Variants in NCOA1 observed in about 807,000 individuals in gnomAD.
The protein encoded by NCOA1 is nuclear receptor coactivator 1.
NCOA1 carries 35 observed loss-of-function variants against 150.9 expected under a neutral mutation model. That is an observed-to-expected ratio of 0.23 (90% CI 0.18 to 0.31). NCOA1 has a LOEUF of 0.31. Among genes scored for constraint, NCOA1 ranks in the 10% least tolerant of loss-of-function variants. NCOA1 has a pLI of 1.00. For missense variants in NCOA1, 1,491 were observed against 1,749.3 expected (o/e 0.85, Z 2.63); for synonymous variants, 590 against 630.0 (o/e 0.94, Z 0.95).
At chr2:24,712,195 T>A (rs1028476785) in intron 14 of NCOA1, among the ~76,000 whole-genome samples, 15 of 152,238 alleles carry the variant, frequency 9.9e-5, no homozygotes, top group Admixed American at 8.5e-4. Flanking sequence ...TTATTCTCTT[T>A]ATCTGCAATA....
At chr2:24,645,944 A>G (rs573129417) in intron 4 of NCOA1, among the ~76,000 whole-genome samples, 1 of 152,336 alleles carries the variant, frequency 6.6e-6, no homozygotes, top group East Asian at 1.9e-4. Flanking sequence ...TAGGAGAGCC[A>G]TCTCTTTAAG....
At chr2:24,747,504 A>AT (rs1245612990) in intron 19 of NCOA1, among the ~76,000 whole-genome samples, 1 of 151,210 alleles carries the variant, frequency 6.6e-6, no homozygotes, top group African/African-American at 2.4e-5. Flanking sequence ...TAACTATTCT[A>AT]TTTTTTATAG....
intron 8 of NCOA1, among the ~76,000 whole-genome samples, chr2:24,686,690 A>T (rs1672420002): frequency 6.6e-6 from 1 of 152,210 alleles, no homozygotes; most frequent in Admixed American, 6.5e-5. Flanking sequence ...TTTAGGTTCA[A>T]AAAAGTTTTG....
At chr2:24,602,566 T>G (rs1285862677) in intron 3 of NCOA1, among the ~76,000 whole-genome samples, 3 of 152,186 alleles carry the variant, frequency 2.0e-5, no homozygotes, top group African/African-American at 7.2e-5. Flanking sequence ...TAGCACTTTC[T>G]TGAATATTTC....
chr2:24,710,873 C>T (rs564486762), intron 13 of NCOA1, 58 bp from the exon 14 acceptor site: 44 of 1,517,908 alleles, frequency 2.9e-5, no homozygotes, highest in South Asian at 1.9e-4. Context: ...TTTTTTTCTA[C>T]GTTGTTTCAG....
At chr2:24,713,664 A>G (rs1673872189) in intron 14 of NCOA1, among the ~76,000 whole-genome samples, 1 of 152,234 alleles carries the variant, frequency 6.6e-6, no homozygotes, top group Non-Finnish European at 1.5e-5. Context: ...AATAGATAAT[A>G]GGCAGTGTGA....
At chr2:24,673,293 G>C in intron 6 of NCOA1, 73 bp from the exon 7 acceptor site, 1 of 1,037,746 alleles carries the variant, frequency 9.6e-7, no homozygotes. Flanking sequence ...GTGGATCTAT[G>C]TCTTCGTAAA....
At chr2:24,658,041 G>C (rs1671023948) in intron 4 of NCOA1, among the ~76,000 whole-genome samples, 1 of 152,298 alleles carries the variant, frequency 6.6e-6, no homozygotes, top group Non-Finnish European at 1.5e-5. Context: ...ATGACTTTGT[G>C]TTCTCTGGGA....
At chr2:24,611,378 G>T (rs1304827152) in intron 3 of NCOA1, among the ~76,000 whole-genome samples, 3 of 152,154 alleles carry the variant, frequency 2.0e-5, no homozygotes, top group Non-Finnish European at 4.4e-5. Context: ...TCATGTTTTT[G>T]CTATTGTAAA....
intron 7 of NCOA1, among the ~76,000 whole-genome samples, chr2:24,682,087 A>G (rs1341889765): frequency 6.6e-6 from 1 of 152,212 alleles, no homozygotes; most frequent in South Asian, 2.1e-4. Flanking sequence ...TTCGCCGTAG[A>G]TAACCAGCAG....
At chr2:24,684,031 A>G (rs1672292366) in intron 8 of NCOA1, among the ~76,000 whole-genome samples, 1 of 152,224 alleles carries the variant, frequency 6.6e-6, no homozygotes, top group Non-Finnish European at 1.5e-5. Flanking sequence ...GTGATAAAGT[A>G]TCTGAGTTGG....
intron 1 of NCOA1, among the ~76,000 whole-genome samples, chr2:24,501,318 G>T (rs1336770750): frequency 6.6e-6 from 1 of 152,058 alleles, no homozygotes; most frequent in Admixed American, 6.6e-5. Flanking sequence ...AAAATGAACC[G>T]AATATAGAAC....
At chr2:24,554,822 T>C (rs1345086184) in intron 1 of NCOA1, among the ~76,000 whole-genome samples, 2 of 152,174 alleles carry the variant, frequency 1.3e-5, no homozygotes, top group Non-Finnish European at 2.9e-5. Flanking sequence ...TGCCTGTTAC[T>C]GATTTGATTT....
intron 3 of NCOA1, among the ~76,000 whole-genome samples, chr2:24,641,618 T>G (rs1017469831): frequency 1.3e-5 from 2 of 152,148 alleles, no homozygotes; most frequent in African/African-American, 4.8e-5. Flanking sequence ...TTTTGCTGGA[T>G]GTAGAATTGT....
At chr2:24,730,140 T>C (rs527994005) in intron 17 of NCOA1, among the ~76,000 whole-genome samples, 84 of 152,264 alleles carry the variant, frequency 5.5e-4, no homozygotes, top group Non-Finnish European at 1.1e-3. Flanking sequence ...CACCGCACCC[T>C]GCCAGCAGTT....
intron 18 of NCOA1, among the ~76,000 whole-genome samples, chr2:24,740,863 C>T (rs770093318): frequency 6.6e-6 from 1 of 152,126 alleles, no homozygotes; most frequent in African/African-American, 2.4e-5. Flanking sequence ...ATGCTTTAAC[C>T]AGATTCTCAA....
chr2:24,706,623 C>G lies in NCOA1; in HGVS notation c.1153C>G (p.Arg385Gly), dbSNP rs767757703. The G allele has an allele frequency of 2.5e-6, 4 of 1,613,912 alleles. No homozygotes were observed. Among genetic ancestry groups the G allele is most frequent in the Non-Finnish European group, 3.4e-6 (4 of 1,179,946 alleles). ...CACTAATTCTGGAATGTCAATTCCC[C>G]GAGTAAATCCCTCGGTCAATCCTAG... ...DDTNSGMSIP[R>G]VNPSVNPSIS... The change falls in exon 13 of 23, where the codon CGA (arginine) becomes GGA (glycine). Residue 385 changes from arginine to glycine, a missense_variant. Arg to Gly is a moderately radical substitution (Grantham distance 125). Coordinates refer to ENST00000348332, the MANE Select transcript of NCOA1 (RefSeq NM_003743.5).
intron 21 of NCOA1, among the ~76,000 whole-genome samples, chr2:24,761,036 C>T (rs899909866): frequency 1.3e-5 from 2 of 151,966 alleles, no homozygotes; most frequent in African/African-American, 2.4e-5. Context: ...TTAGTAGAGA[C>T]GGGATTTTGC....
intron 4 of NCOA1, among the ~76,000 whole-genome samples, chr2:24,657,935 G>A (rs1671015259): frequency 6.6e-6 from 1 of 152,190 alleles, no homozygotes; most frequent in South Asian, 2.1e-4. Flanking sequence ...ATTATATGGA[G>A]AATAATGGTT....
Sources: gnomAD v4.1 joint callset for allele counts (sites outside exome capture counted in the v4.1 genomes callset) on GRCh38, gnomAD v4.1.1 for gene constraint, MANE v1.5 for transcripts, NCBI Gene and HGNC (gene_info 2026-07-23, HGNC 2026-07-21) for gene names.